Variants in COL24A1 observed in about 807,000 individuals in gnomAD.
The protein encoded by COL24A1 is collagen type XXIV alpha 1 chain, also known as collagen alpha-1(XXIV) chain.
COL24A1 carries 224 observed loss-of-function variants against 253.9 expected under a neutral mutation model. The observed-to-expected ratio is 0.88, with a 90% CI of 0.79 to 0.99. The LOEUF is 0.99. Among genes scored for constraint, COL24A1 ranks in the 50% least tolerant of loss-of-function variants. The pLI is 0.00. For synonymous variants in COL24A1, 685 were observed against 673.7 expected, an observed-to-expected ratio of 1.02 and a Z score of -0.26; for missense variants, 2,131 against 2,068.5, an observed-to-expected ratio of 1.03 and a Z score of -0.59.
intron 57 of COL24A1, among the ~76,000 whole-genome samples, chr1:85,739,922 C>T (rs1252430175): frequency 1.3e-5 from 2 of 152,202 alleles, no homozygotes; most frequent in East Asian, 3.8e-4. Context: ...TTCCAGTTCA[C>T]TCCCTCTAGT....
intron 20 of COL24A1, among the ~76,000 whole-genome samples, chr1:85,974,029 G>C (rs1015379622): frequency 2.0e-5 from 3 of 152,028 alleles, no homozygotes; most frequent in Non-Finnish European, 2.9e-5. Flanking sequence ...TATTCATCAA[G>C]AAGATATAAA....
rs1684537534 is a variant in COL24A1, at chr1:85,903,662, T to A, written c.2778+3532A>T. Among the ~76,000 whole-genome samples, 3 of 152,126 alleles carry A rather than the reference T, an allele frequency of 2.0e-5. No homozygotes were observed. The South Asian group carries it at 6.2e-4, about 31-fold the overall frequency. On this transcript the variant is annotated intron_variant, in intron 28 of 59. Coordinates refer to ENST00000370571, the MANE Select transcript of COL24A1 (RefSeq NM_152890.7). ...TAAGTTCTCATAGCAGAAATAAAAA[T>A]TTGATAGCTTAGCTACATAAACTAA...
At chr1:85,878,372 C>T (rs1320704583) in intron 32 of COL24A1, among the ~76,000 whole-genome samples, 4 of 152,142 alleles carry the variant, frequency 2.6e-5, no homozygotes, top group Admixed American at 1.3e-4. Context: ...ACACTACTCC[C>T]AATCATGAGG....
At chr1:86,025,427 T>C (rs1309461072) in intron 14 of COL24A1, among the ~76,000 whole-genome samples, 1 of 152,156 alleles carries the variant, frequency 6.6e-6, no homozygotes, top group Non-Finnish European at 1.5e-5. Context: ...TAATAAGGGT[T>C]CATATGGTAT....
intron 34 of COL24A1, 80 bp from the exon 35 acceptor site, chr1:85,874,782 A>G (rs2102593741): frequency 6.7e-7 from 1 of 1,500,272 alleles, no homozygotes. Flanking sequence ...CATACGGCAC[A>G]GTTCCCCAAC....
At chr1:86,036,760 T>C (rs1333518058) in intron 12 of COL24A1, among the ~76,000 whole-genome samples, 3 of 152,202 alleles carry the variant, frequency 2.0e-5, no homozygotes, top group African/African-American at 7.2e-5. Flanking sequence ...TTTAATTTTA[T>C]AATACAAAAG....
At chr1:86,085,205 T>C (rs1161351200) in intron 7 of COL24A1, among the ~76,000 whole-genome samples, 2 of 152,170 alleles carry the variant, frequency 1.3e-5, no homozygotes, top group African/African-American at 2.4e-5. Context: ...TCACAGTGCA[T>C]TCCACTTGAT....
chr1:86,144,492 G>GT (rs1651597965), intron 2 of COL24A1, among the ~76,000 whole-genome samples: 1 of 152,088 alleles, frequency 6.6e-6, no homozygotes, highest in Admixed American at 6.5e-5. Flanking sequence ...TAAGCTGTAG[G>GT]TGAGCCACTT....
chr1:86,095,399 C>T (rs893292277), intron 5 of COL24A1, among the ~76,000 whole-genome samples: 1 of 152,024 alleles, frequency 6.6e-6, no homozygotes, highest in African/African-American at 2.4e-5. Context: ...TTGATCAACT[C>T]ATGTTTTAGA....
intron 2 of COL24A1, among the ~76,000 whole-genome samples, chr1:86,131,930 T>A (rs1432586000): frequency 6.6e-6 from 1 of 152,226 alleles, no homozygotes; most frequent in African/African-American, 2.4e-5. Flanking sequence ...CCCTGAGGAA[T>A]CGTCACACTG....
intron 12 of COL24A1, among the ~76,000 whole-genome samples, chr1:86,042,341 T>C (rs891583753): frequency 6.6e-6 from 1 of 152,092 alleles, no homozygotes; most frequent in Non-Finnish European, 1.5e-5. Context: ...ACAAAAACAA[T>C]TCTCCTACTT....
At chr1:86,012,448 G>C (rs1222101573) in intron 19 of COL24A1, among the ~76,000 whole-genome samples, 4 of 152,086 alleles carry the variant, frequency 2.6e-5, no homozygotes, top group African/African-American at 9.7e-5. Flanking sequence ...AATAAGCCTG[G>C]TGTGGTGGCA....
At chr1:86,038,906 T>C (rs1159846926) in intron 12 of COL24A1, among the ~76,000 whole-genome samples, 2 of 152,084 alleles carry the variant, frequency 1.3e-5, no homozygotes, top group African/African-American at 4.8e-5. Context: ...ATCTTAACCA[T>C]AACCTCATGA....
At chr1:85,925,974 C>A (rs1221440008) in intron 24 of COL24A1, among the ~76,000 whole-genome samples, 3 of 151,984 alleles carry the variant, frequency 2.0e-5, no homozygotes, top group Non-Finnish European at 4.4e-5. Flanking sequence ...AACAAATTTA[C>A]AAGAAAAAAA....
chr1:86,117,554 G>A (rs6697461), intron 3 of COL24A1, among the ~76,000 whole-genome samples: 137,712 of 152,012 alleles, frequency 0.91, 62,459 homozygotes, highest in Middle Eastern at 0.99. Flanking sequence ...GGGGGAAAAA[G>A]AGGTATAGTT....
chr1:85,967,777 C>T (rs1691714371), intron 22 of COL24A1, among the ~76,000 whole-genome samples: 2 of 152,254 alleles, frequency 1.3e-5, no homozygotes, highest in Non-Finnish European at 2.9e-5. Flanking sequence ...GGTTTGCGCT[C>T]CTATGAGAAT....
intron 37 of COL24A1, among the ~76,000 whole-genome samples, chr1:85,858,204 T>C (rs1357744962): frequency 6.6e-6 from 1 of 152,182 alleles, no homozygotes; most frequent in Admixed American, 6.6e-5. Context: ...ATAGCCCAAA[T>C]AATCACTAAC....
At chr1:85,841,354 T>A (rs1676594997) in intron 41 of COL24A1, 76 bp from the exon 42 acceptor site, 1 of 1,013,186 alleles carries the variant, frequency 9.9e-7, no homozygotes, top group East Asian at 2.7e-5. Flanking sequence ...CTACTATTTT[T>A]AAGTATATTA....
intron 7 of COL24A1, among the ~76,000 whole-genome samples, chr1:86,070,585 G>A (rs1701808369): frequency 6.6e-6 from 1 of 152,096 alleles, no homozygotes; most frequent in South Asian, 2.1e-4. Flanking sequence ...TAAAAGCAGT[G>A]AAAGAAAAGA....
Sources: gnomAD v4.1 joint callset for allele counts (sites outside exome capture counted in the v4.1 genomes callset) on GRCh38, gnomAD v4.1.1 for gene constraint, MANE v1.5 for transcripts, NCBI Gene and HGNC (gene_info 2026-07-23, HGNC 2026-07-21) for gene names.